Variants in NBEA observed in about 807,000 individuals in gnomAD.
The protein encoded by NBEA is neurobeachin.
Under a neutral mutation model 343.4 loss-of-function variants are expected in NBEA, and 44 were observed. That is an observed-to-expected ratio of 0.13 (90% CI 0.10 to 0.16). The LOEUF is 0.16. Among genes scored for constraint, NBEA ranks in the 10% least tolerant of loss-of-function variants. The probability of loss-of-function intolerance (pLI) is 1.00; values close to 1 mark genes in which losing one functional copy is unlikely to be tolerated. For synonymous variants in NBEA, 1,175 were observed against 1,238.7 expected (o/e 0.95, Z 1.08); for missense variants, 2,555 against 3,631.3 (o/e 0.70, Z 7.62).
At chr13:35,556,458 T>A (rs2079576556) in intron 44 of NBEA, among the ~76,000 whole-genome samples, 1 of 152,202 alleles carries the variant, frequency 6.6e-6, no homozygotes, top group South Asian at 2.1e-4. Flanking sequence ...TTAATATGTT[T>A]ACATCTGTTT....
intron 4 of NBEA, 77 bp from the exon 5 acceptor site, chr13:35,048,486 C>A: frequency 7.5e-7 from 1 of 1,331,178 alleles, no homozygotes; most frequent in Non-Finnish European, 1.0e-6. Context: ...ATTTAATCTG[C>A]AAAAGCCATA....
At chr13:35,030,008 TAGAGTATCACAA>T (rs890741524) in intron 1 of NBEA, among the ~76,000 whole-genome samples, 3 of 151,754 alleles carry the variant, frequency 2.0e-5, no homozygotes, top group African/African-American at 7.2e-5. Flanking sequence ...ACTGTGCAAA[TAGAGTATCACAA>T]AGATGCATTC....
chr13:35,539,957 G>C (rs1435524809), intron 41 of NBEA, among the ~76,000 whole-genome samples: 3 of 124,050 alleles, frequency 2.4e-5, no homozygotes, highest in Admixed American at 8.6e-5. Context: ...ACTAGTATTT[G>C]TAATACATGC....
chr13:35,058,894 T>C (rs1344925467), intron 8 of NBEA, 31 bp downstream of exon 8: 1 of 1,530,038 alleles, frequency 6.5e-7, no homozygotes, highest in South Asian at 1.2e-5. Context: ...ATAAATTCTA[T>C]GGAGAGTTTT....
chr13:35,117,394 T>G lies in NBEA; in HGVS notation c.2003-20T>G. 7.9e-7 allele frequency: 1 copy of G among 1,260,012 alleles called. No individual in the cohort carries two copies. 78.1% of individuals were successfully genotyped at this position (1,260,012 alleles called of 1,614,324 possible). On this transcript the variant is annotated intron_variant, in intron 13 of 58. Coordinates refer to ENST00000379939, the MANE Select transcript of NBEA (RefSeq NM_001385012.1). ...ATATCTTGTATTTTTTATTTTACTT[T>G]TTTTTCTGTTTTGTTCTAGATGGTC...
At chr13:35,605,535 A>T (rs559182572) in intron 47 of NBEA, among the ~76,000 whole-genome samples, 2 of 152,320 alleles carry the variant, frequency 1.3e-5, no homozygotes, top group East Asian at 3.9e-4. Flanking sequence ...GTGTAGCCTC[A>T]CAACCCTATC....
chr13:35,066,831 A>G (rs925337879), intron 8 of NBEA, among the ~76,000 whole-genome samples: 8 of 151,674 alleles, frequency 5.3e-5, no homozygotes, highest in Non-Finnish European at 8.8e-5. Flanking sequence ...TATGTGTCTC[A>G]TGTTCTTTTT....
intron 1 of NBEA, among the ~76,000 whole-genome samples, chr13:34,947,912 T>G (rs2059236129): frequency 6.6e-6 from 1 of 152,224 alleles, no homozygotes; most frequent in Non-Finnish European, 1.5e-5. Flanking sequence ...TACCTGACTG[T>G]GTAGGCATTA....
At chr13:35,184,130 A>G (rs2071518112) in intron 30 of NBEA, 59 bp downstream of exon 30, 1 of 1,233,678 alleles carries the variant, frequency 8.1e-7, no homozygotes, top group Admixed American at 2.1e-5. Context: ...AATTGTTTTA[A>G]AATAAATATT....
intron 10 of NBEA, 163 bp downstream of exon 10, chr13:35,071,015 A>T: frequency 1.6e-6 from 1 of 625,834 alleles, no homozygotes; most frequent in South Asian, 6.9e-5. Context: ...TATACAATAA[A>T]TAAAGAAAAC....
chr13:35,263,074 G>T (rs1224653280), intron 34 of NBEA, among the ~76,000 whole-genome samples: 1 of 152,070 alleles, frequency 6.6e-6, no homozygotes, highest in Non-Finnish European at 1.5e-5. Context: ...TTCAAAACTT[G>T]CAACAAAGGT....
chr13:35,573,484 G>GTGTT (rs1330674275), intron 45 of NBEA, among the ~76,000 whole-genome samples: 1 of 152,170 alleles, frequency 6.6e-6, no homozygotes, highest in Admixed American at 6.5e-5. Flanking sequence ...AAGTGTTTTT[G>GTGTT]TGTTTGTTTG....
intron 31 of NBEA, among the ~76,000 whole-genome samples, chr13:35,199,889 A>G (rs1400465168): frequency 3.9e-5 from 6 of 152,008 alleles, no homozygotes; most frequent in African/African-American, 7.2e-5. Flanking sequence ...TTCTTTTTCT[A>G]TTTCCTTCAG....
intron 1 of NBEA, among the ~76,000 whole-genome samples, chr13:35,021,135 A>C (rs570484680): frequency 6.6e-6 from 1 of 151,034 alleles, no homozygotes; most frequent in South Asian, 2.1e-4. Flanking sequence ...TTTTTTCTGC[A>C]TAGGGTTATT....
intron 36 of NBEA, among the ~76,000 whole-genome samples, chr13:35,312,805 A>T (rs985412235): frequency 1.3e-5 from 2 of 152,218 alleles, no homozygotes; most frequent in Admixed American, 6.5e-5. Flanking sequence ...AGTAACTAAT[A>T]GTTTACAGTA....
intron 40 of NBEA, among the ~76,000 whole-genome samples, chr13:35,467,009 A>G (rs1328499606): frequency 6.6e-6 from 1 of 152,124 alleles, no homozygotes; most frequent in African/African-American, 2.4e-5. Flanking sequence ...CCCTCCATGC[A>G]CATACACAAA....
At chr13:35,253,337 CT>C (rs2032202485) in intron 34 of NBEA, among the ~76,000 whole-genome samples, 2 of 152,142 alleles carry the variant, frequency 1.3e-5, no homozygotes, top group Admixed American at 1.3e-4. Flanking sequence ...CTTCGTGTCT[CT>C]TTGTTGGCAT....
At position 35,058,924 on chromosome 13, in the gene NBEA, A is replaced by G. The variant is rs2063362862; in HGVS notation, c.1239+61A>G. ...AGTTTTAGATGTAAAATGTGGTGTA[A>G]TATCATTTTTAGTGAAAATCTTTAA... is the stretch of plus-strand genomic sequence containing the variant. On this transcript the variant is annotated intron_variant, in intron 8 of 58. Coordinates refer to ENST00000379939, the MANE Select transcript of NBEA (RefSeq NM_001385012.1). 9 of 1,359,136 alleles carry G rather than the reference A, an allele frequency of 6.6e-6. No individual in the cohort carries two copies. In the South Asian group the frequency reaches 1.1e-4, roughly 16 times the overall value. 84.2% of individuals were successfully genotyped at this position (1,359,136 alleles called of 1,614,324 possible). A position where few individuals can be genotyped will look rare whatever the true frequency, so the allele number is the denominator to read the frequency against.
At chr13:35,126,389 A>T (rs1402583044) in intron 17 of NBEA, among the ~76,000 whole-genome samples, 1 of 152,286 alleles carries the variant, frequency 6.6e-6, no homozygotes, top group East Asian at 1.9e-4. Context: ...ACTAACACAG[A>T]TAGCATGGAA....
Sources: gnomAD v4.1 joint callset for allele counts (sites outside exome capture counted in the v4.1 genomes callset) on GRCh38, gnomAD v4.1.1 for gene constraint, MANE v1.5 for transcripts, NCBI Gene and HGNC (gene_info 2026-07-23, HGNC 2026-07-21) for gene names.